The following CASZ1 variants were observed in gnomAD, a reference collection of about 807,000 sequenced individuals.
CASZ1 encodes zinc finger protein castor homolog 1.
A neutral mutation model predicts 135.2 loss-of-function variants in CASZ1; 28 were observed. The ratio of observed to expected loss-of-function variants is 0.21; its 90% CI spans 0.15 to 0.28. The LOEUF (loss-of-function observed/expected upper bound fraction) is 0.28, where lower values mean the gene tolerates loss of function less well. Among genes scored for constraint, CASZ1 ranks in the 10% least tolerant of loss-of-function variants. The probability of loss-of-function intolerance (pLI) is 1.00; values close to 1 mark genes in which losing one functional copy is unlikely to be tolerated. For synonymous variants in CASZ1, 1,068 were observed against 1,073.4 expected (o/e 0.99, Z 0.10); for missense variants, 2,161 against 2,453.3 (o/e 0.88, Z 2.52).
chr1:10,684,862 T>C (rs531232321), intron 4 of CASZ1, among the ~76,000 whole-genome samples: 25 of 152,314 alleles, frequency 1.6e-4, no homozygotes, highest in African/African-American at 5.8e-4. Flanking sequence ...CTGTAGGTTT[T>C]GAAAAGCTGG....
chr1:10,655,019 G>A lies in CASZ1; in HGVS notation c.1666-428C>T, dbSNP rs776577507. On this transcript the variant is annotated intron_variant, in intron 9 of 20. Transcript: ENST00000377022. ...TGCTTAGTGGACAGTCCCTGGGCAC[G>A]GGGCCCTCCCACCCCACCCCAGCTG... Among the ~76,000 whole-genome samples the A allele has an allele frequency of 1.6e-4, 24 of 152,242 alleles. No homozygotes were observed. In the East Asian group the frequency reaches 3.3e-3, roughly 21 times the overall value.
chr1:10,727,723 A>G lies in CASZ1; in HGVS notation c.-76-22179T>C, dbSNP rs190715009. On this transcript the variant is annotated intron_variant, in intron 2 of 20. Coordinates refer to ENST00000377022, the MANE Select transcript of CASZ1 (RefSeq NM_001079843.3). This position sits in a 1 kb window ranked among gnomAD's most constrained non-coding sequence, Gnocchi z 5.3. ...CTAGGAAGCAAAAGTGGAGCTGAGA[A>G]GCTGGCCTTCACCTCGTTCCTGATC... Among the ~76,000 whole-genome samples the G allele has an allele frequency of 1.7e-4, 26 of 152,316 alleles. No individual in the cohort carries two copies. In the East Asian group the frequency reaches 3.9e-3, roughly 23 times the overall value.
chr1:10,732,340 A>T (rs866053357), intron 2 of CASZ1, among the ~76,000 whole-genome samples: 3 of 148,730 alleles, frequency 2.0e-5, no homozygotes, highest in South Asian at 2.1e-4. Context: ...AAAAAAAGAA[A>T]ATATATATAT....
chr1:10,637,119 T>TC lies in CASZ1; in HGVS notation c.*1822dup, dbSNP rs1027519439. On this transcript the variant is annotated 3_prime_UTR_variant, in exon 21 of 21. Transcript: ENST00000377022. ...CACTGTCGGCATCTTCTTCTTTTCT[T>TC]CTTTTTTTTTTTTAAGTTTGATTTT... 6.6e-6 allele frequency: 1 copy of TC among 151,462 alleles called. No individual in the cohort carries two copies. Among genetic ancestry groups the TC allele is most frequent in the African/African-American group, 2.4e-5 (1 of 41,280 alleles). The allele number at this position is 151,462 out of a possible 1,614,324, so 9.4% of individuals were successfully genotyped here. A position where few individuals can be genotyped will look rare whatever the true frequency, so the allele number is the denominator to read the frequency against.
At chr1:10,677,470 A>G (rs1447400546) in intron 4 of CASZ1, among the ~76,000 whole-genome samples, 1 of 152,188 alleles carries the variant, frequency 6.6e-6, no homozygotes, top group African/African-American at 2.4e-5. Flanking sequence ...TGTGTGGGGC[A>G]TGGCAGGGGT....
rs779676101 is a variant in CASZ1 at position 10,665,233 on chromosome 1, C to T, written c.355G>A (p.Glu119Lys). The change falls in exon 5 of 21, where the codon GAG becomes AAG. Residue 119 changes from glutamate to lysine, a missense_variant. Glu to Lys is a moderately conservative substitution (Grantham distance 56, BLOSUM62 1). Transcript: ENST00000377022. ...IAREGLELPP[E>K]GVYMVQPQGC... Reference sequence around the variant, plus strand: ...TGGGGCTGCACCATGTAGACACCCTCGGGAGGCAGCTCCAGGCCCTCGCGG... The same window carrying T: ...TGGGGCTGCACCATGTAGACACCCTTGGGAGGCAGCTCCAGGCCCTCGCGG... The T allele has an allele frequency of 1.6e-5, 25 of 1,599,374 alleles. No individual in the cohort carries two copies. The highest frequency in any genetic ancestry group is 1.1e-5 in the South Asian group (1 of 88,852).
rs1441939248 is a variant in CASZ1, at chr1:10,757,938, C to G, written c.-77+2763G>C. Among the ~76,000 whole-genome samples, 1 of 152,198 alleles carries G rather than the reference C, an allele frequency of 6.6e-6. No individual in the cohort carries two copies. Among genetic ancestry groups the G allele is most frequent in the Non-Finnish European group, 1.5e-5 (1 of 68,036 alleles). On this transcript the variant is annotated intron_variant, in intron 2 of 20. Transcript: ENST00000377022. This position sits in a 1 kb window ranked among gnomAD's most constrained non-coding sequence, Gnocchi z 4.6. Reference sequence around the variant, plus strand: ...CCTGACACCCACCTCATCCACGTCCCCATCCACGTCCTGGCCACTCTGCCT... The same window carrying G: ...CCTGACACCCACCTCATCCACGTCCGCATCCACGTCCTGGCCACTCTGCCT...
rs977986575 is a variant in CASZ1 at position 10,706,729 on chromosome 1, G to A, written c.-76-1185C>T. Reference sequence around the variant, plus strand: ...CTGCCCGGGCAGAGGGTGCCCACTGGGGCGGAGCCTGCCCTGCCAGATACA... The same window carrying A: ...CTGCCCGGGCAGAGGGTGCCCACTGAGGCGGAGCCTGCCCTGCCAGATACA... On this transcript the variant is annotated intron_variant, in intron 2 of 20. Transcript: ENST00000377022. This position sits in a 1 kb window ranked among gnomAD's most constrained non-coding sequence, Gnocchi z 4.3. Among the ~76,000 whole-genome samples, 3 of 152,180 alleles carry A rather than the reference G, an allele frequency of 2.0e-5. No homozygotes were observed. The highest frequency in any genetic ancestry group is 7.2e-5 in the African/African-American group (3 of 41,438).
In CASZ1 at chr1:10,709,164, T is replaced by C. The variant is rs968109995; in HGVS notation, c.-76-3620A>G. ...AGCCTCTCACCCACAGCTGCCCAGC[T>C]CCATATTTATGAAGCACCAGGCCAG... On this transcript the variant is annotated intron_variant, in intron 2 of 20. Transcript: ENST00000377022. The surrounding 1 kb of genome is among the most constrained non-coding windows in gnomAD (Gnocchi z 5.1). Among the ~76,000 whole-genome samples the C allele has an allele frequency of 5.9e-5, 9 of 151,974 alleles. No individual in the cohort carries two copies. The highest frequency in any genetic ancestry group is 2.2e-4 in the African/African-American group (9 of 41,352).
chr1:10,743,624 A>G (rs1639973299), intron 2 of CASZ1, among the ~76,000 whole-genome samples: 1 of 140,154 alleles, frequency 7.1e-6, no homozygotes, highest in South Asian at 2.5e-4. Flanking sequence ...TTCTATAAAA[A>G]TAAGGAGGGA....
Position 10,755,940 on chromosome 1 carries a change from C to T in CASZ1, c.-77+4761G>A, listed in dbSNP as rs561218851. ...CCCTGGAGGATGGCATGAGAACTGT[C>T]CAGTCCAGTTAGGAGTGAAGGTCAC... On this transcript the variant is annotated intron_variant, in intron 2 of 20. Coordinates refer to ENST00000377022, the MANE Select transcript of CASZ1 (RefSeq NM_001079843.3). This position sits in a 1 kb window ranked among gnomAD's most constrained non-coding sequence, Gnocchi z 4.3. Among the ~76,000 whole-genome samples, 2 of 151,520 alleles carry T rather than the reference C, an allele frequency of 1.3e-5. No homozygotes were observed. The highest frequency in any genetic ancestry group is 4.8e-5 in the African/African-American group (2 of 41,318).
chr1:10,750,566 C>A (rs1400042110), intron 2 of CASZ1, among the ~76,000 whole-genome samples: 1 of 152,128 alleles, frequency 6.6e-6, no homozygotes, highest in East Asian at 1.9e-4. Context: ...CTGTGCCCAG[C>A]CCTGCTTCAC....
rs1042648427 is a variant in CASZ1, at chr1:10,701,739, G to A, written c.-24+3753C>T. Reference sequence around the variant, plus strand: ...GGTTTGAGGGCTGGCAGCCTTGGCCGGGACGGACTGGGGCCAGGGCTCAGG... The same window carrying A: ...GGTTTGAGGGCTGGCAGCCTTGGCCAGGACGGACTGGGGCCAGGGCTCAGG... On this transcript the variant is annotated intron_variant, in intron 3 of 20. Transcript: ENST00000377022. The surrounding 1 kb of genome is among the most constrained non-coding windows in gnomAD (Gnocchi z 6.3). Among the ~76,000 whole-genome samples, 3 of 152,286 alleles carry A rather than the reference G, an allele frequency of 2.0e-5. No homozygotes were observed. Among genetic ancestry groups the A allele is most frequent in the South Asian group, 2.1e-4 (1 of 4,822 alleles).
chr1:10,768,020 G>A (rs1467704394), intron 1 of CASZ1, among the ~76,000 whole-genome samples: 2 of 152,194 alleles, frequency 1.3e-5, no homozygotes, highest in African/African-American at 4.8e-5. Context: ...CTGAGTCAGG[G>A]GCCTTCCGGG....
intron 1 of CASZ1, among the ~76,000 whole-genome samples, chr1:10,790,228 G>A (rs368714345): frequency 6.6e-6 from 1 of 152,178 alleles, no homozygotes; most frequent in Admixed American, 6.5e-5. Flanking sequence ...AAACCAACAC[G>A]GGGTGCTGGC....
At chr1:10,653,216 C>T in intron 11 of CASZ1, 161 bp downstream of exon 11, 2 of 791,038 alleles carry the variant, frequency 2.5e-6, no homozygotes, top group Non-Finnish European at 2.1e-6. Flanking sequence ...TAGAAACCAA[C>T]AGGATGGGGG....
At position 10,657,716 on chromosome 1, in the gene CASZ1, C is replaced by T. The variant is rs982964036; in HGVS notation, c.1409+792G>A. ...GGGACGTGGAGGCGGAGAGACAGAGCGGGCGGGAGGAACCTGGAAGATCTG... is the reference window on the plus strand; with the variant it reads ...GGGACGTGGAGGCGGAGAGACAGAGTGGGCGGGAGGAACCTGGAAGATCTG... On this transcript the variant is annotated intron_variant, in intron 7 of 20. Coordinates refer to ENST00000377022, the MANE Select transcript of CASZ1 (RefSeq NM_001079843.3). This position sits in a 1 kb window ranked among gnomAD's most constrained non-coding sequence, Gnocchi z 5.7. Among the ~76,000 whole-genome samples the T allele has an allele frequency of 7.4e-6, 1 of 135,070 alleles. No homozygotes were observed. The highest frequency in any genetic ancestry group is 1.5e-5 in the Non-Finnish European group (1 of 64,610). 88.6% of individuals were successfully genotyped at this position (135,070 alleles called of 152,430 possible).
In CASZ1 at chr1:10,699,331, G is replaced by A. The variant is rs1323001294; in HGVS notation, c.-23-5419C>T. The stretch of plus-strand genomic sequence containing the variant: ...CCCCATTTCCTTTTAGGGAAGTGCT[G>A]GCCACAACCCCAAACAGTAGCCCCT... On this transcript the variant is annotated intron_variant, in intron 3 of 20. Coordinates refer to ENST00000377022, the MANE Select transcript of CASZ1 (RefSeq NM_001079843.3). The surrounding 1 kb of genome is among the most constrained non-coding windows in gnomAD (Gnocchi z 4.6). 1.3e-5 allele frequency among the ~76,000 whole-genome samples: 2 copies of A among 152,186 alleles called. No homozygotes were observed. The highest frequency in any genetic ancestry group is 1.3e-4 in the Admixed American group (2 of 15,280).
Position 10,664,162 on chromosome 1 carries a change from C to T in CASZ1, c.505+921G>A, listed in dbSNP as rs191339858. 1.6e-3 allele frequency among the ~76,000 whole-genome samples: 250 copies of T among 152,294 alleles called. 1 individual carries two copies. The highest frequency in any genetic ancestry group is 5.8e-3 in the African/African-American group (239 of 41,548). On this transcript the variant is annotated intron_variant, in intron 5 of 20. Coordinates refer to ENST00000377022, the MANE Select transcript of CASZ1 (RefSeq NM_001079843.3). ...TCTTACATGCATAATTATGTGGCTGCGCAGGGCTCCCCGCACGGGGAGGAG... is the reference window on the plus strand; with the variant it reads ...TCTTACATGCATAATTATGTGGCTGTGCAGGGCTCCCCGCACGGGGAGGAG...
Sources: allele counts gnomAD v4.1 joint callset (sites outside exome capture counted in the v4.1 genomes callset), GRCh38; gene constraint gnomAD v4.1.1; non-coding constraint Gnocchi (gnomAD v3.1); transcripts MANE v1.5; gene names NCBI Gene and HGNC (gene_info 2026-07-23, HGNC 2026-07-21).